FRMD4B: variants seen among roughly 807,000 people sequenced by gnomAD.
FRMD4B encodes the protein FERM domain-containing protein 4B.
In FRMD4B, 74 loss-of-function variants were observed where a neutral mutation model predicts 141.5. That is an observed-to-expected ratio of 0.52 (90% CI 0.43 to 0.63). FRMD4B has a LOEUF of 0.63. FRMD4B is among the 30% of genes least tolerant of loss of function. The probability of loss-of-function intolerance (pLI) is 0.00; values close to 1 mark genes in which losing one functional copy is unlikely to be tolerated. For missense variants in FRMD4B, 1,366 were observed against 1,253.4 expected (o/e 1.09, Z -1.36); for synonymous variants, 506 against 467.9 (o/e 1.08, Z -1.05).
At chr3:69,304,661 G>A (rs941701919) in intron 3 of FRMD4B, among the ~76,000 whole-genome samples, 7 of 152,090 alleles carry the variant, frequency 4.6e-5, no homozygotes, top group Non-Finnish European at 1.0e-4. Flanking sequence ...GGATCAAAAG[G>A]ATTGATGACA....
At chr3:69,492,022 C>T (rs771038363) in intron 1 of FRMD4B, among the ~76,000 whole-genome samples, 1 of 152,198 alleles carries the variant, frequency 6.6e-6, no homozygotes, top group Non-Finnish European at 1.5e-5. Context: ...CGGCCAAGAG[C>T]AAGTTTAGTA....
chr3:69,315,654 A>T (rs1701782909), intron 1 of FRMD4B, among the ~76,000 whole-genome samples: 1 of 152,176 alleles, frequency 6.6e-6, no homozygotes, highest in South Asian at 2.1e-4. Flanking sequence ...ATATAGATGG[A>T]CCTCATTCTT....
intron 4 of FRMD4B, among the ~76,000 whole-genome samples, chr3:69,293,497 A>C (rs904809872): frequency 7.6e-5 from 11 of 145,434 alleles, no homozygotes; most frequent in African/African-American, 2.5e-4. Context: ...CTATTAGAAT[A>C]TTATTATCTC....
chr3:69,465,554 C>G (rs1043425383), intron 1 of FRMD4B, among the ~76,000 whole-genome samples: 1 of 151,906 alleles, frequency 6.6e-6, no homozygotes, highest in African/African-American at 2.4e-5. Flanking sequence ...CCCCAGCCCC[C>G]GACAGGCCCC....
intron 4 of FRMD4B, among the ~76,000 whole-genome samples, chr3:69,288,732 C>T (rs766837907): frequency 8.5e-5 from 13 of 152,148 alleles, no homozygotes; most frequent in Middle Eastern, 3.2e-3. Context: ...AGCCATCAAG[C>T]CCCAAGACAG....
At chr3:69,218,179 G>T (rs941369666) in intron 10 of FRMD4B, 143 bp downstream of exon 10, 14 of 584,764 alleles carry the variant, frequency 2.4e-5, no homozygotes, top group African/African-American at 2.4e-4. Context: ...TTTTAACGTA[G>T]CAAGTATTTT....
intron 1 of FRMD4B, among the ~76,000 whole-genome samples, chr3:69,354,645 G>C (rs990348009): frequency 1.3e-5 from 2 of 152,082 alleles, no homozygotes; most frequent in East Asian, 3.9e-4. Flanking sequence ...TTCATGCAAA[G>C]CTCAAAGAAT....
intron 1 of FRMD4B, chr3:69,377,116 T>C (rs1186794198): frequency 6.6e-6 from 1 of 152,228 alleles, no homozygotes; most frequent in African/African-American, 2.4e-5. Flanking sequence ...TGTCAGGTGA[T>C]GAGCTAAAAA....
At chr3:69,229,978 A>T (rs1360053738) in intron 7 of FRMD4B, among the ~76,000 whole-genome samples, 1 of 148,856 alleles carries the variant, frequency 6.7e-6, no homozygotes, top group African/African-American at 2.5e-5. Context: ...AGACTATCAA[A>T]CTTTTTTTTT....
At chr3:69,379,933 A>G (rs938638146) in intron 1 of FRMD4B, among the ~76,000 whole-genome samples, 1 of 152,204 alleles carries the variant, frequency 6.6e-6, no homozygotes, top group East Asian at 1.9e-4. Flanking sequence ...TAGTTTGCTG[A>G]CTCCCTTTCT....
intron 5 of FRMD4B, among the ~76,000 whole-genome samples, chr3:69,259,383 C>T (rs1446974121): frequency 6.6e-6 from 1 of 152,208 alleles, no homozygotes; most frequent in Non-Finnish European, 1.5e-5. Context: ...GGCCCGGTTC[C>T]TAACAGGCCA....
chr3:69,518,396 G>A (rs1436253957), intron 1 of FRMD4B, among the ~76,000 whole-genome samples: 1 of 152,044 alleles, frequency 6.6e-6, no homozygotes, highest in African/African-American at 2.4e-5. Flanking sequence ...TATAAAGGTG[G>A]CTAAGATGCT....
intron 1 of FRMD4B, among the ~76,000 whole-genome samples, chr3:69,352,487 C>T (rs922526475): frequency 6.6e-5 from 10 of 152,176 alleles, no homozygotes; most frequent in African/African-American, 1.9e-4. Context: ...CCTCTACAGA[C>T]TTCCTTCTAT....
chr3:69,362,552 C>T (rs541391434), intron 1 of FRMD4B, among the ~76,000 whole-genome samples: 4 of 152,256 alleles, frequency 2.6e-5, no homozygotes, highest in African/African-American at 9.6e-5. Flanking sequence ...TGGCGCATGC[C>T]TGTAATTCCA....
chr3:69,537,768 C>G (rs1701109964), intron 1 of FRMD4B, among the ~76,000 whole-genome samples: 1 of 152,230 alleles, frequency 6.6e-6, no homozygotes, highest in Non-Finnish European at 1.5e-5. Context: ...TACAATTCAG[C>G]TCATTTTCCA....
intron 1 of FRMD4B, among the ~76,000 whole-genome samples, chr3:69,473,820 G>A (rs988192551): frequency 2.6e-5 from 4 of 152,162 alleles, no homozygotes; most frequent in African/African-American, 9.7e-5. Flanking sequence ...CCTACACAAG[G>A]TTAAGTCAAT....
rs977286818 is a variant in FRMD4B at position 69,250,102 on chromosome 3, G to A, written c.502-3C>T. 1.2e-6 allele frequency: 2 copies of A among 1,602,214 alleles called. No homozygotes were observed. Among genetic ancestry groups the A allele is most frequent in the African/African-American group, 1.3e-5 (1 of 74,648 alleles). On this transcript the variant is annotated splice_region_variant and splice_polypyrimidine_tract_variant and intron_variant, in intron 5 of 22. Coordinates refer to ENST00000398540, the MANE Select transcript of FRMD4B (RefSeq NM_015123.3). Reference sequence around the variant, plus strand: ...TCGCTCTCTACTTCGATTTGCCCCTGTTGATGGAAAAGGAAAGCATCATTG... The same window carrying A: ...TCGCTCTCTACTTCGATTTGCCCCTATTGATGGAAAAGGAAAGCATCATTG...
chr3:69,225,694 C>CAAAAAAAAAAA (rs144489759), intron 7 of FRMD4B, among the ~76,000 whole-genome samples: 1 of 23,332 alleles, frequency 4.3e-5, no homozygotes, highest in African/African-American at 1.8e-4. Context: ...GACTCCGTCT[C>CAAAAAAAAAAA]AAAAAAAAAA....
chr3:69,498,773 C>T (rs1465963568), intron 1 of FRMD4B, among the ~76,000 whole-genome samples: 1 of 152,116 alleles, frequency 6.6e-6, no homozygotes, highest in East Asian at 1.9e-4. Flanking sequence ...TGCAGACGGG[C>T]TCACAGGCAC....
Sources: allele counts gnomAD v4.1 joint callset (sites outside exome capture counted in the v4.1 genomes callset), GRCh38; gene constraint gnomAD v4.1.1; transcripts MANE v1.5; gene names NCBI Gene and HGNC (gene_info 2026-07-23, HGNC 2026-07-21).